PPP1R42: variants seen among roughly 807,000 people sequenced by gnomAD.
The protein encoded by PPP1R42 is leucine rich repeat containing 67.
A neutral mutation model predicts 31.0 loss-of-function variants in PPP1R42; 34 were observed. The observed-to-expected ratio is 1.10, with a 90% CI of 0.83 to 1.46. The LOEUF is 1.46. PPP1R42 is among the 40% of genes most tolerant of loss of function. The pLI is 0.00. For missense variants in PPP1R42, 268 were observed against 303.0 expected (o/e 0.88, Z 0.86); for synonymous variants, 103 against 109.8 (o/e 0.94, Z 0.39).
rs929147278 is a variant in PPP1R42 at position 66,986,040 on chromosome 8, A to C, written c.670+2360T>G. The C allele has an allele frequency of 3.9e-4, 288 of 747,282 alleles. 2 individuals carry two copies. The highest frequency in any genetic ancestry group is 9.4e-5 in the South Asian group (7 of 74,142). 46.3% of individuals were successfully genotyped at this position (747,282 alleles called of 1,614,324 possible). Reference sequence around the variant, plus strand: ...CTCCTACAGCCTCAGTTTGTCCACAAATCGGGGAGTAGAATCATCAAGAAA... The same window carrying C: ...CTCCTACAGCCTCAGTTTGTCCACACATCGGGGAGTAGAATCATCAAGAAA... On this transcript the variant is annotated intron_variant, in intron 6 of 7. Coordinates refer to ENST00000685739, the MANE Select transcript of PPP1R42 (RefSeq NM_001364910.1).
Position 66,964,115 on chromosome 8 carries a change from C to T in PPP1R42, c.*206G>A, listed in dbSNP as rs372532192. 8.3e-6 allele frequency: 3 copies of T among 361,500 alleles called. No homozygotes were observed. Among genetic ancestry groups the T allele is most frequent in the South Asian group, 2.1e-5 (1 of 47,844 alleles). 22.4% of individuals were successfully genotyped at this position (361,500 alleles called of 1,614,324 possible). A position where few individuals can be genotyped will look rare whatever the true frequency, so the allele number is the denominator to read the frequency against. ...ATCAAACAATAACTTAAAAGTTTTT[C>T]CTTATATTATGAGATACCATAAAGC... On this transcript the variant is annotated 3_prime_UTR_variant, in exon 8 of 8. Transcript: ENST00000685739.
chr8:67,023,016 C>T (rs866297333), intron 1 of PPP1R42, among the ~76,000 whole-genome samples: 7 of 151,914 alleles, frequency 4.6e-5, no homozygotes, highest in Non-Finnish European at 7.4e-5. Context: ...TCCATGAGTA[C>T]GGTAAGTCTC....
rs142992876 is a variant in PPP1R42 at position 66,987,946 on chromosome 8, G to C, written c.670+454C>G. Among the ~76,000 whole-genome samples the C allele has an allele frequency of 1.1e-3, 175 of 152,258 alleles. 3 individuals carry two copies. The South Asian group carries it at 0.017, about 14-fold the overall frequency. ...TTGTAAGGATCTCATAAAGGGTCTC[G>C]TCACCCAGCTCTCCTATCAAACGAA... On this transcript the variant is annotated intron_variant, in intron 6 of 7. Transcript: ENST00000685739.
intron 5 of PPP1R42, among the ~76,000 whole-genome samples, chr8:66,988,990 A>T (rs1815109705): frequency 6.6e-6 from 1 of 152,164 alleles, no homozygotes; most frequent in African/African-American, 2.4e-5. Context: ...ACACCTACCA[A>T]AGGGAAAAAT....
At position 67,001,317 on chromosome 8, in the gene PPP1R42, C is replaced by T. The variant is rs1815481078; in HGVS notation, c.552+9398G>A. Among the ~76,000 whole-genome samples, 3 of 149,782 alleles carry T rather than the reference C, an allele frequency of 2.0e-5. No homozygotes were observed. The South Asian group carries it at 6.3e-4, about 31-fold the overall frequency. ...CCTCCCACCTTGGCCTCCTAAAGTG[C>T]TGACATTACAGGCGTCACCATGCCC... On this transcript the variant is annotated intron_variant, in intron 5 of 7. Coordinates refer to ENST00000685739, the MANE Select transcript of PPP1R42 (RefSeq NM_001364910.1).
chr8:67,002,555 G>A (rs984357842), intron 5 of PPP1R42, among the ~76,000 whole-genome samples: 1 of 152,096 alleles, frequency 6.6e-6, no homozygotes, highest in South Asian at 2.1e-4. Flanking sequence ...GTGTACTTTG[G>A]TGTAATTGTC....
chr8:67,022,686 G>T, intron 1 of PPP1R42, among the ~76,000 whole-genome samples: 1 of 152,002 alleles, frequency 6.6e-6, no homozygotes, highest in Non-Finnish European at 1.5e-5. Flanking sequence ...ATCTAGAGTT[G>T]ATTACTGTGT....
chr8:67,019,025 G>A (rs1041599705), intron 1 of PPP1R42, among the ~76,000 whole-genome samples: 6 of 148,798 alleles, frequency 4.0e-5, no homozygotes, highest in African/African-American at 1.5e-4. Flanking sequence ...TAATGGAGAC[G>A]GGGTTTCACT....
At chr8:67,015,670 C>T (rs563756479) in intron 2 of PPP1R42, among the ~76,000 whole-genome samples, 40 of 150,242 alleles carry the variant, frequency 2.7e-4, no homozygotes, top group Admixed American at 2.5e-3. Flanking sequence ...GTGATCCTAG[C>T]GCCCTAGCCT....
chr8:66,989,892 G>T lies in PPP1R42; in HGVS notation c.553-1375C>A, dbSNP rs573407769. Among the ~76,000 whole-genome samples the T allele has an allele frequency of 2.4e-4, 37 of 152,252 alleles. No homozygotes were observed. In the South Asian group the frequency reaches 7.0e-3, roughly 29 times the overall value. On this transcript the variant is annotated intron_variant, in intron 5 of 7. Transcript: ENST00000685739. The stretch of plus-strand genomic sequence containing the variant: ...TGGCATATAAAGTGCCTGGAACAAA[G>T]AAAGTAATAAATGTGTCAGTTCTCT...
intron 5 of PPP1R42, among the ~76,000 whole-genome samples, chr8:66,995,934 A>G (rs536197515): frequency 9.2e-5 from 14 of 152,182 alleles, no homozygotes; most frequent in Admixed American, 2.0e-4. Context: ...AATTTCTACT[A>G]TGAAAGATGA....
At chr8:66,992,888 T>C (rs1014384027) in intron 5 of PPP1R42, among the ~76,000 whole-genome samples, 1 of 152,244 alleles carries the variant, frequency 6.6e-6, no homozygotes, top group Non-Finnish European at 1.5e-5. Flanking sequence ...CTCCCGACTA[T>C]AGGCAATCTT....
chr8:66,967,700 T>G (rs944332786), intron 7 of PPP1R42, among the ~76,000 whole-genome samples: 7 of 152,208 alleles, frequency 4.6e-5, no homozygotes, highest in Non-Finnish European at 8.8e-5. Flanking sequence ...TAATATACAG[T>G]GAATATTTCC....
intron 6 of PPP1R42, chr8:66,984,601 T>TA (rs2130927057): frequency 8.5e-7 from 1 of 1,181,936 alleles, no homozygotes; most frequent in African/African-American, 1.5e-5. Flanking sequence ...CATATACAGA[T>TA]ACGTGTACCC....
intron 7 of PPP1R42, chr8:66,970,736 T>C (rs1245928059): frequency 2.0e-6 from 1 of 490,714 alleles, no homozygotes; most frequent in African/African-American, 1.9e-5. Flanking sequence ...CTACCTTACC[T>C]CAGTGGGTGT....
chr8:66,984,025 T>G lies in PPP1R42; in HGVS notation c.671-1845A>C. ...ATTCTCCCTTTGTCCCAATGTCTGC[T>G]TGGCACAGTTCTGAGATCATACAAG... On this transcript the variant is annotated intron_variant, in intron 6 of 7. Transcript: ENST00000685739. 5.3e-6 allele frequency: 6 copies of G among 1,138,348 alleles called. No individual in the cohort carries two copies. The South Asian group carries it at 7.6e-5, about 14-fold the overall frequency. 70.5% of individuals were successfully genotyped at this position (1,138,348 alleles called of 1,614,324 possible). A position where few individuals can be genotyped will look rare whatever the true frequency, so the allele number is the denominator to read the frequency against.
At chr8:67,009,830 G>C (rs893611244) in intron 5 of PPP1R42, among the ~76,000 whole-genome samples, 1 of 152,190 alleles carries the variant, frequency 6.6e-6, no homozygotes, top group Non-Finnish European at 1.5e-5. Flanking sequence ...TCTGAATTTG[G>C]AAACAAGGTC....
At chr8:67,023,686 A>T (rs908223870) in intron 1 of PPP1R42, among the ~76,000 whole-genome samples, 1 of 151,930 alleles carries the variant, frequency 6.6e-6, no homozygotes, top group Non-Finnish European at 1.5e-5. Flanking sequence ...GTGTTATTGC[A>T]CTGGCTAGGA....
At chr8:66,974,464 G>A (rs1814617590) in intron 7 of PPP1R42, among the ~76,000 whole-genome samples, 1 of 152,180 alleles carries the variant, frequency 6.6e-6, no homozygotes, top group African/African-American at 2.4e-5. Context: ...TGAGGCAGGA[G>A]AATTGCTTGA....
Sources: allele counts gnomAD v4.1 joint callset (sites outside exome capture counted in the v4.1 genomes callset), GRCh38; gene constraint gnomAD v4.1.1; transcripts MANE v1.5; gene names NCBI Gene and HGNC (gene_info 2026-07-23, HGNC 2026-07-21).